RGL1: variants seen among roughly 807,000 people sequenced by gnomAD.
The protein encoded by RGL1 is ral guanine nucleotide dissociation stimulator-like 1.
RGL1 carries 24 observed loss-of-function variants against 95.2 expected under a neutral mutation model. The observed-to-expected ratio is 0.25, with a 90% CI of 0.18 to 0.35. The LOEUF is 0.35. RGL1 is among the 10% of genes least tolerant of loss of function. The pLI is 1.00. For synonymous variants in RGL1, 329 were observed against 344.9 expected (o/e 0.95, Z 0.51); for missense variants, 715 against 936.3 (o/e 0.76, Z 3.08).
chr1:183,637,017 A>G (rs528740050), intron 1 of RGL1, among the ~76,000 whole-genome samples: 46 of 152,330 alleles, frequency 3.0e-4, no homozygotes, highest in African/African-American at 1.0e-3. Context: ...AAAGAGCACT[A>G]GGCTTAGAAT....
At chr1:183,812,286 CTG>C (rs1357437701) in intron 2 of RGL1, among the ~76,000 whole-genome samples, 1 of 152,216 alleles carries the variant, frequency 6.6e-6, no homozygotes, top group Non-Finnish European at 1.5e-5. Flanking sequence ...AAGCTCAGCT[CTG>C]TGTCTGGGTT....
intron 2 of RGL1, among the ~76,000 whole-genome samples, chr1:183,808,011 G>A (rs918053090): frequency 1.3e-5 from 2 of 152,118 alleles, no homozygotes; most frequent in African/African-American, 4.8e-5. Context: ...GTCTTCAAAA[G>A]GGTCATTACA....
At chr1:183,894,829 C>A (rs1667600551) in intron 9 of RGL1, among the ~76,000 whole-genome samples, 1 of 152,004 alleles carries the variant, frequency 6.6e-6, no homozygotes, top group Non-Finnish European at 1.5e-5. Context: ...ATAATATGGC[C>A]CAGGCAACAT....
chr1:183,842,122 G>A (rs1440879673), intron 2 of RGL1, among the ~76,000 whole-genome samples: 2 of 152,120 alleles, frequency 1.3e-5, no homozygotes, highest in African/African-American at 4.8e-5. Flanking sequence ...GGGATTGGGT[G>A]TGGGTTTTAG....
chr1:183,693,706 C>A (rs886450496), intron 1 of RGL1, among the ~76,000 whole-genome samples: 4 of 151,962 alleles, frequency 2.6e-5, no homozygotes, highest in Admixed American at 1.3e-4. Flanking sequence ...AAAAGTGAAG[C>A]CTCACTGCTT....
intron 1 of RGL1, among the ~76,000 whole-genome samples, chr1:183,729,132 G>A (rs987205736): frequency 6.6e-6 from 1 of 151,860 alleles, no homozygotes; most frequent in Non-Finnish European, 1.5e-5. Flanking sequence ...TTTAAAACCC[G>A]TTTATAAGAA....
intron 1 of RGL1, chr1:183,646,737 C>T (rs1650319021): frequency 6.6e-6 from 1 of 152,198 alleles, no homozygotes; most frequent in African/African-American, 2.4e-5. Context: ...AAAAACATCT[C>T]TTGCAGGATG....
At chr1:183,905,111 G>T (rs967430186) in intron 13 of RGL1, 140 bp downstream of exon 13, 3 of 993,646 alleles carry the variant, frequency 3.0e-6, no homozygotes, top group South Asian at 1.9e-5. Context: ...TTTCAAAGGC[G>T]CATGGTGTGG....
chr1:183,704,465 G>T (rs1654783853), intron 1 of RGL1, among the ~76,000 whole-genome samples: 1 of 152,174 alleles, frequency 6.6e-6, no homozygotes, highest in Non-Finnish European at 1.5e-5. Flanking sequence ...CTTCAATAGT[G>T]TGTGGGGGGT....
chr1:183,740,893 G>T (rs1301714910), intron 1 of RGL1, among the ~76,000 whole-genome samples: 1 of 152,156 alleles, frequency 6.6e-6, no homozygotes, highest in African/African-American at 2.4e-5. Flanking sequence ...CTAGTCTCAA[G>T]ATGCTTATAA....
chr1:183,648,426 A>T (rs1456161467), intron 1 of RGL1: 10 of 1,614,208 alleles, frequency 6.2e-6, no homozygotes, highest in Non-Finnish European at 8.5e-6. Flanking sequence ...GGAATACAGA[A>T]TGATATGCCT....
At chr1:183,858,369 A>G (rs1664753243) in intron 3 of RGL1, among the ~76,000 whole-genome samples, 1 of 152,150 alleles carries the variant, frequency 6.6e-6, no homozygotes, top group African/African-American at 2.4e-5. Context: ...GACTTCCCAG[A>G]CTTCTGTAAA....
chr1:183,661,456 A>G (rs1214492888), intron 1 of RGL1, among the ~76,000 whole-genome samples: 3 of 152,226 alleles, frequency 2.0e-5, no homozygotes, highest in African/African-American at 7.2e-5. Flanking sequence ...TAGAAAATCT[A>G]GAAGAAGTGG....
intron 2 of RGL1, among the ~76,000 whole-genome samples, chr1:183,808,739 T>G (rs1056485634): frequency 2.6e-5 from 4 of 151,996 alleles, no homozygotes; most frequent in Admixed American, 6.5e-5. Context: ...GAAGGTGGTG[T>G]TGTGATGATC....
intron 4 of RGL1, among the ~76,000 whole-genome samples, chr1:183,879,318 A>G (rs564287114): frequency 6.6e-6 from 1 of 152,232 alleles, no homozygotes; most frequent in Non-Finnish European, 1.5e-5. Flanking sequence ...CTTTGATGAT[A>G]GTCCAGCTTC....
At chr1:183,695,269 T>A (rs1654188516) in intron 1 of RGL1, among the ~76,000 whole-genome samples, 1 of 152,232 alleles carries the variant, frequency 6.6e-6, no homozygotes. Context: ...TCTTTTTTGT[T>A]CCATTCACCT....
rs745959445 is a variant in RGL1, at chr1:183,880,678, C to G, written c.488C>G (p.Pro163Arg). 2 of 1,613,934 alleles carry G rather than the reference C, an allele frequency of 1.2e-6. No individual in the cohort carries two copies. Among genetic ancestry groups the G allele is most frequent in the Non-Finnish European group, 1.7e-6 (2 of 1,179,836 alleles). Reference protein sequence around the residue: ...DQCAEDFREPPHFPCLQKLLD... With the variant: ...DQCAEDFREPRHFPCLQKLLD... ...TGTGCAGAAGACTTCCGAGAGCCCC[C>G]TCACTTCCCTTGCTTACAGAAACTG... Residue 163 changes from proline to arginine, a missense_variant, in exon 5 of 18, where the codon CCT (proline) becomes CGT (arginine). Transcript: ENST00000360851.
At chr1:183,895,662 CAAG>C (rs1667651071) in intron 9 of RGL1, among the ~76,000 whole-genome samples, 1 of 152,080 alleles carries the variant, frequency 6.6e-6, no homozygotes, top group Admixed American at 6.6e-5. Flanking sequence ...TGAAAACTTT[CAAG>C]AAGGTTCAAG....
In RGL1 at chr1:183,838,923, G is replaced by A. The variant is rs77965153; in HGVS notation, c.139-8643G>A. The stretch of plus-strand genomic sequence containing the variant: ...GGTGAGGAGTGTGCACATTTGGCTC[G>A]TGCAAGAGGTTCAAGCTGGCTCCAG... On this transcript the variant is annotated intron_variant, in intron 2 of 17. Transcript: ENST00000360851. Among the ~76,000 whole-genome samples the A allele has an allele frequency of 2.8e-3, 420 of 152,306 alleles. 1 individual carries two copies. The highest frequency in any genetic ancestry group is 9.6e-3 in the African/African-American group (401 of 41,558).
Sources: gnomAD v4.1 joint callset for allele counts (sites outside exome capture counted in the v4.1 genomes callset) on GRCh38, gnomAD v4.1.1 for gene constraint, MANE v1.5 for transcripts, NCBI Gene and HGNC (gene_info 2026-07-23, HGNC 2026-07-21) for gene names.